SUPT6H: variants seen among roughly 807,000 people sequenced by gnomAD.
The protein encoded by SUPT6H is transcription elongation factor SPT6.
Under a neutral mutation model 222.3 loss-of-function variants are expected in SUPT6H, and 11 were observed. The observed-to-expected ratio is 0.05, with a 90% confidence interval of 0.03 to 0.08. SUPT6H has a LOEUF of 0.08. SUPT6H is among the 10% of genes least tolerant of loss of function. SUPT6H has a pLI of 1.00. For missense variants in SUPT6H, 1,422 were observed against 2,216.0 expected (o/e 0.64, Z 7.19); for synonymous variants, 762 against 801.2 (o/e 0.95, Z 0.83).
rs2031781249 is a variant in SUPT6H, at chr17:28,693,779, C to T, written c.3717C>T (p.Phe1239=). ...KTRLDNGVTG[F]IPTKFLSDKV... is the part of the protein sequence containing the mutation. ...GGCTAGACAATGGTGTCACCGGCTTCATCCCCACCAAATTCCTCAGTGACA... is the reference window on the plus strand; with the variant it reads ...GGCTAGACAATGGTGTCACCGGCTTTATCCCCACCAAATTCCTCAGTGACA... Residue 1239 remains phenylalanine (F), a synonymous_variant, in exon 28 of 37, where the codon TTC becomes TTT. Transcript: ENST00000314616. 1.9e-6 allele frequency: 3 copies of T among 1,614,148 alleles called. No individual in the cohort carries two copies. The highest frequency in any genetic ancestry group is 2.2e-5 in the South Asian group (2 of 91,094).
intron 1 of SUPT6H, among the ~76,000 whole-genome samples, chr17:28,667,229 G>A (rs1219082624): frequency 6.7e-6 from 1 of 149,342 alleles, no homozygotes; most frequent in Non-Finnish European, 1.5e-5. Flanking sequence ...AAAATAGCTG[G>A]GCGTGGTGGT....
chr17:28,676,223 T>A lies in SUPT6H; in HGVS notation c.690T>A (p.Asn230Lys). The part of the protein sequence containing the change: ...DFDYDEFEKY[N>K]EYDEELEEEY... ...ACTATGATGAATTTGAGAAATACAA[T>A]GAGTATGATGAAGAACTGGAGGAAG... The change falls in exon 7 of 37, where the codon AAT becomes AAA. Residue 230 changes from asparagine (N) to lysine (K), a missense_variant. Transcript: ENST00000314616. 6.2e-7 allele frequency: 1 copy of A among 1,612,158 alleles called. No homozygotes were observed. Among genetic ancestry groups the A allele is most frequent in the Non-Finnish European group, 8.5e-7 (1 of 1,179,410 alleles).
At position 28,678,817 on chromosome 17, in the gene SUPT6H, T is replaced by C. The variant is rs776014105; in HGVS notation, c.1207-4T>C. The C allele has an allele frequency of 6.2e-7, 1 of 1,614,034 alleles. No individual in the cohort carries two copies. Among genetic ancestry groups the C allele is most frequent in the Non-Finnish European group, 8.5e-7 (1 of 1,180,046 alleles). On this transcript the variant is annotated splice_polypyrimidine_tract_variant and splice_region_variant and intron_variant, in intron 10 of 36. Transcript: ENST00000314616. ...GCTCTCATTCCTGCCCTACTTCACC[T>C]TAGTGGACCCAGCTGCGGATCCGTA...
chr17:28,701,364 C>T, intron 36 of SUPT6H, 75 bp from the exon 37 acceptor site: 1 of 1,552,264 alleles, frequency 6.4e-7, no homozygotes, highest in Non-Finnish European at 8.7e-7. Flanking sequence ...AGGTTCCTTT[C>T]TGCAAGGGTA....
At chr17:28,691,579 A>G (rs9907186) in intron 27 of SUPT6H, 15,891 of 153,490 alleles carry the variant, frequency 0.1, 877 homozygotes, top group South Asian at 0.15. Flanking sequence ...GGCCGGGCGC[A>G]GTAGCTCACG....
intron 19 of SUPT6H, among the ~76,000 whole-genome samples, chr17:28,685,572 C>T (rs1246401762): frequency 1.3e-5 from 2 of 151,676 alleles, no homozygotes; most frequent in Non-Finnish European, 2.9e-5. Context: ...TCACTGCAAC[C>T]TCTGCTTCCC....
At chr17:28,692,184 CATG>C (rs957258054) in intron 27 of SUPT6H, among the ~76,000 whole-genome samples, 3 of 151,588 alleles carry the variant, frequency 2.0e-5, no homozygotes, top group African/African-American at 2.4e-5. Context: ...ATTAGCCAGG[CATG>C]GTGGTGGGCG....
At chr17:28,675,526 G>A (rs2030693731) in intron 6 of SUPT6H, 41 bp downstream of exon 6, 5 of 1,605,274 alleles carry the variant, frequency 3.1e-6, no homozygotes, top group Non-Finnish European at 4.3e-6. Flanking sequence ...AAGTGATTGA[G>A]TGGGCCCAGT....
At chr17:28,693,594 T>C in intron 27 of SUPT6H, 102 bp from the exon 28 acceptor site, 2 of 1,361,522 alleles carry the variant, frequency 1.5e-6, no homozygotes, top group Non-Finnish European at 1.0e-6. Flanking sequence ...TGGTGCAAGG[T>C]GTCAATGGTA....
chr17:28,683,877 C>G, intron 17 of SUPT6H, 61 bp downstream of exon 17: 1 of 1,476,862 alleles, frequency 6.8e-7, no homozygotes, highest in Non-Finnish European at 9.1e-7. Context: ...GCTCTGTTGC[C>G]CAGGCTGGAG....
intron 1 of SUPT6H, among the ~76,000 whole-genome samples, chr17:28,663,827 C>CTTTTTTTTTTTTTTTTTTTTTTTTTT (rs1567681347): frequency 3.6e-4 from 3 of 8,408 alleles, no homozygotes; most frequent in African/African-American, 1.0e-3. Flanking sequence ...CTGCCCACTC[C>CTTTTTTTTTTTTTTTTTTTTTTTTTT]ATTTTTTTTT....
intron 1 of SUPT6H, among the ~76,000 whole-genome samples, chr17:28,667,884 A>C (rs1468578766): frequency 6.6e-6 from 1 of 151,938 alleles, no homozygotes; most frequent in Non-Finnish European, 1.5e-5. Flanking sequence ...TATATACACA[A>C]GTCCCAGCAC....
intron 15 of SUPT6H, 69 bp downstream of exon 15, chr17:28,683,161 C>T: frequency 6.4e-7 from 1 of 1,564,460 alleles, no homozygotes; most frequent in Non-Finnish European, 8.6e-7. Context: ...GAGTTTCTTG[C>T]CTTCCACTTC....
At chr17:28,678,774 C>G (rs780354340) in intron 10 of SUPT6H, 47 bp from the exon 11 acceptor site, 7 of 1,613,746 alleles carry the variant, frequency 4.3e-6, no homozygotes, top group Non-Finnish European at 5.9e-6. Flanking sequence ...AGCCTTGAGT[C>G]TCCAGGGCTG....
Position 28,683,714 on chromosome 17 carries a change from C to T in SUPT6H, c.2127C>T (p.Arg709=). The change falls in exon 17 of 37, where the codon CGC becomes CGT. Residue 709 remains arginine, a synonymous_variant. Transcript: ENST00000314616. ...SHQVQEWNRQ[R]TMAIERALQQ... Reference sequence around the variant, plus strand: ...AGGTGCAGGAGTGGAACCGGCAGCGCACCATGGCCATCGAACGGGCTTTAC... The same window carrying T: ...AGGTGCAGGAGTGGAACCGGCAGCGTACCATGGCCATCGAACGGGCTTTAC... The T allele has an allele frequency of 6.2e-7, 1 of 1,614,164 alleles. No homozygotes were observed.
chr17:28,688,468 A>C lies in SUPT6H; in HGVS notation c.3134+250A>C, dbSNP rs1437210921. 57 of 306,192 alleles carry C rather than the reference A, an allele frequency of 1.9e-4. No individual in the cohort carries two copies. Among genetic ancestry groups the C allele is most frequent in the Non-Finnish European group, 4.1e-5 (7 of 172,106 alleles). 19.0% of individuals were successfully genotyped at this position (306,192 alleles called of 1,614,324 possible). ...TTAGCTTATAAATTAAGCATGGAAA[A>C]CACAAGATTTTGTTCAGTAAACACA... On this transcript the variant is annotated intron_variant, in intron 24 of 36. Coordinates refer to ENST00000314616, the MANE Select transcript of SUPT6H (RefSeq NM_003170.5). The surrounding 1 kb of genome is among the most constrained non-coding windows in gnomAD (Gnocchi z 4.3).
At chr17:28,690,055 G>A (rs182009220) in intron 25 of SUPT6H, 27 bp from the exon 26 acceptor site, 1 of 1,599,360 alleles carries the variant, frequency 6.3e-7, no homozygotes, top group Admixed American at 1.7e-5. Flanking sequence ...CAGCTGCAAG[G>A]CTCTTCTTGA....
At position 28,693,772 on chromosome 17, in the gene SUPT6H, C is replaced by G; in HGVS notation, c.3710C>G (p.Thr1237Ser). ...GVKTRLDNGV[T>S]GFIPTKFLSD... is the part of the protein sequence containing the mutation. ...AAAACACGGCTAGACAATGGTGTCA[C>G]CGGCTTCATCCCCACCAAATTCCTC... is the stretch of plus-strand genomic sequence containing the variant. Residue 1237 changes from threonine to serine, a missense_variant, in exon 28 of 37, where the codon ACC (threonine) becomes AGC (serine). By Grantham distance (58) the Thr-to-Ser change is moderately conservative. This residue lies in a region of SUPT6H where 39 missense variants were observed against 124.2 expected (regional missense o/e 0.31). Transcript: ENST00000314616. The G allele has an allele frequency of 6.2e-7, 1 of 1,614,214 alleles. No homozygotes were observed.
intron 6 of SUPT6H, among the ~76,000 whole-genome samples, chr17:28,675,745 A>C (rs2030706038): frequency 6.6e-6 from 1 of 152,240 alleles, no homozygotes; most frequent in South Asian, 2.1e-4. Context: ...TTCCGCCTAC[A>C]GCTCCATGTT....
Sources: gnomAD v4.1 joint callset for allele counts (sites outside exome capture counted in the v4.1 genomes callset) on GRCh38, gnomAD v4.1.1 for gene constraint, gnomAD v4.1.1 regional missense constraint, Gnocchi (gnomAD v3.1) non-coding constraint, MANE v1.5 for transcripts, NCBI Gene and HGNC (gene_info 2026-07-23, HGNC 2026-07-21) for gene names.